The following LSAMP variants were observed in gnomAD, a reference collection of about 807,000 sequenced individuals.
LSAMP encodes the protein limbic system associated membrane protein.
In LSAMP, 7 loss-of-function variants were observed where a neutral mutation model predicts 38.6. The ratio of observed to expected loss-of-function variants is 0.18; its 90% CI spans 0.10 to 0.34. The LOEUF (loss-of-function observed/expected upper bound fraction) is 0.34, where lower values mean the gene tolerates loss of function less well. Ranked by LOEUF, LSAMP falls within the 10% of genes least tolerant of loss-of-function variation. The pLI is 1.00. For synonymous variants in LSAMP, 154 were observed against 166.8 expected (o/e 0.92, Z 0.59); for missense variants, 313 against 420.0 (o/e 0.75, Z 2.23).
At chr3:116,052,822 G>C (rs1941420764) in intron 2 of LSAMP, among the ~76,000 whole-genome samples, 1 of 152,170 alleles carries the variant, frequency 6.6e-6, no homozygotes, top group Admixed American at 6.5e-5. Context: ...TCATTGCTTA[G>C]TTGGACGGAA....
At chr3:115,820,810 A>G (rs550159956) in intron 6 of LSAMP, among the ~76,000 whole-genome samples, 1 of 152,318 alleles carries the variant, frequency 6.6e-6, no homozygotes, top group African/African-American at 2.4e-5. Context: ...ATAAGATTCT[A>G]GAGAGGGGAG....
intron 3 of LSAMP, among the ~76,000 whole-genome samples, chr3:116,006,470 A>G (rs1237928250): frequency 6.6e-6 from 1 of 152,202 alleles, no homozygotes; most frequent in East Asian, 1.9e-4. Context: ...ACAACGTAGT[A>G]ACTATTTTTT....
chr3:116,264,923 C>G (rs775519116), intron 1 of LSAMP, among the ~76,000 whole-genome samples: 4 of 152,118 alleles, frequency 2.6e-5, no homozygotes, highest in African/African-American at 4.8e-5. Context: ...TCTCTAGCAG[C>G]ACCTTCCTTC....
At chr3:115,902,074 T>C (rs1192795315) in intron 3 of LSAMP, among the ~76,000 whole-genome samples, 1 of 152,010 alleles carries the variant, frequency 6.6e-6, no homozygotes, top group Non-Finnish European at 1.5e-5. Context: ...AATAAAAACA[T>C]ACAAATCAAC....
At position 116,186,014 on chromosome 3, in the gene LSAMP, T is replaced by C. The variant is rs1225390512; in HGVS notation, c.156-99458A>G. ...CCTTTAAAAAAATGTAAGCTGATTTTTTTAATGCTAGGTACTTTTATCTTT... is the reference window on the plus strand; with the variant it reads ...CCTTTAAAAAAATGTAAGCTGATTTCTTTAATGCTAGGTACTTTTATCTTT... On this transcript the variant is annotated intron_variant, in intron 1 of 6. Transcript: ENST00000490035. 2.6e-5 allele frequency among the ~76,000 whole-genome samples: 4 copies of C among 152,190 alleles called. No individual in the cohort carries two copies. The East Asian group carries it at 7.7e-4, about 29-fold the overall frequency.
intron 1 of LSAMP, among the ~76,000 whole-genome samples, chr3:116,358,720 A>T (rs1355763307): frequency 6.6e-6 from 1 of 152,110 alleles, no homozygotes; most frequent in South Asian, 2.1e-4. Flanking sequence ...TGCTGACTGA[A>T]TCATTTGTAC....
intron 3 of LSAMP, among the ~76,000 whole-genome samples, chr3:115,948,143 C>T (rs576099336): frequency 5.3e-5 from 8 of 152,212 alleles, no homozygotes; most frequent in African/African-American, 1.2e-4. Context: ...ATGCCCTAGT[C>T]GAAATGATGT....
chr3:115,835,322 T>C (rs933726119), intron 6 of LSAMP, among the ~76,000 whole-genome samples: 1 of 152,176 alleles, frequency 6.6e-6, no homozygotes, highest in African/African-American at 2.4e-5. Flanking sequence ...ACTGAGGTCT[T>C]AGCTTAAAAG....
At chr3:116,208,847 C>T (rs1559783825) in intron 1 of LSAMP, among the ~76,000 whole-genome samples, 1 of 152,202 alleles carries the variant, frequency 6.6e-6, no homozygotes, top group African/African-American at 2.4e-5. Flanking sequence ...TTACTGCTGT[C>T]TTTTTGTTTG....
chr3:116,230,642 A>T (rs2046392466), intron 1 of LSAMP, among the ~76,000 whole-genome samples: 1 of 152,142 alleles, frequency 6.6e-6, no homozygotes, highest in Admixed American at 6.5e-5. Context: ...GTTACCATAG[A>T]AAGGTCTCTC....
At chr3:115,907,161 T>C (rs977676046) in intron 3 of LSAMP, among the ~76,000 whole-genome samples, 3 of 152,162 alleles carry the variant, frequency 2.0e-5, no homozygotes, top group African/African-American at 7.2e-5. Context: ...TGTTCCCACT[T>C]GGATCTAATT....
At chr3:116,009,287 G>A (rs1940256329) in intron 3 of LSAMP, among the ~76,000 whole-genome samples, 1 of 152,054 alleles carries the variant, frequency 6.6e-6, no homozygotes. Flanking sequence ...CACATTACCT[G>A]AGTGCTTGTC....
chr3:115,984,343 A>T (rs1181958341), intron 3 of LSAMP, among the ~76,000 whole-genome samples: 1 of 152,160 alleles, frequency 6.6e-6, no homozygotes, highest in African/African-American at 2.4e-5. Context: ...AAAGAGTTAG[A>T]TATATGGGCC....
intron 6 of LSAMP, among the ~76,000 whole-genome samples, chr3:115,832,195 C>T (rs1273191191): frequency 1.3e-5 from 2 of 152,084 alleles, no homozygotes; most frequent in African/African-American, 4.8e-5. Flanking sequence ...ATGAAACATA[C>T]ATCTTTGTGA....
intron 1 of LSAMP, among the ~76,000 whole-genome samples, chr3:116,143,131 C>T (rs545440095): frequency 6.6e-6 from 1 of 151,518 alleles, no homozygotes; most frequent in South Asian, 2.1e-4. Flanking sequence ...GTATTCCCTC[C>T]AAGTGTTCCT....
chr3:115,934,644 G>A (rs1189607496), intron 3 of LSAMP, among the ~76,000 whole-genome samples: 2 of 152,124 alleles, frequency 1.3e-5, no homozygotes, highest in Non-Finnish European at 2.9e-5. Flanking sequence ...GATAGAACAT[G>A]TGTTTTGACA....
intron 1 of LSAMP, among the ~76,000 whole-genome samples, chr3:116,301,806 A>G (rs1181729176): frequency 6.6e-6 from 1 of 152,222 alleles, no homozygotes; most frequent in Admixed American, 6.5e-5. Context: ...TTTTCTATAG[A>G]TAGAGCAAGC....
At chr3:116,166,787 G>GTTTTTTTTTTTTTTT (rs35340943) in intron 1 of LSAMP, among the ~76,000 whole-genome samples, 4 of 118,806 alleles carry the variant, frequency 3.4e-5, no homozygotes, top group African/African-American at 6.3e-5. Flanking sequence ...TTTTTTTTTT[G>GTTTTTTTTTTTTTTT]TTTTTTTTTT....
At chr3:116,326,550 A>C in intron 1 of LSAMP, among the ~76,000 whole-genome samples, 1 of 152,118 alleles carries the variant, frequency 6.6e-6, no homozygotes, top group Non-Finnish European at 1.5e-5. Flanking sequence ...CAGCTTGGAG[A>C]GCAACCTGAA....
Sources: allele counts gnomAD v4.1 joint callset (sites outside exome capture counted in the v4.1 genomes callset), GRCh38; gene constraint gnomAD v4.1.1; transcripts MANE v1.5; gene names NCBI Gene and HGNC (gene_info 2026-07-23, HGNC 2026-07-21).